Variants in ARMH3 observed in about 807,000 individuals in gnomAD.
ARMH3 encodes armadillo like helical domain containing 3, also known as armadillo-like helical domain-containing protein 3.
Under a neutral mutation model 99.1 loss-of-function variants are expected in ARMH3, and 60 were observed. That is an observed-to-expected ratio of 0.61 (90% CI 0.49 to 0.75). The LOEUF (loss-of-function observed/expected upper bound fraction) is 0.75, where lower values mean the gene tolerates loss of function less well. ARMH3 is among the 30% of genes least tolerant of loss of function. The pLI is 0.00. For synonymous variants in ARMH3, 285 were observed against 292.8 expected (o/e 0.97, Z 0.27); for missense variants, 679 against 843.1 (o/e 0.81, Z 2.41).
chr10:102,002,314 C>T (rs765157660), intron 14 of ARMH3, among the ~76,000 whole-genome samples: 12 of 152,070 alleles, frequency 7.9e-5, no homozygotes, highest in Non-Finnish European at 1.3e-4. Context: ...TCTCCAAGAA[C>T]GGTGCTTTTT....
intron 1 of ARMH3, among the ~76,000 whole-genome samples, 163 bp downstream of exon 1, chr10:102,055,922 T>A (rs2067841373): frequency 6.6e-6 from 1 of 152,206 alleles, no homozygotes; most frequent in East Asian, 1.9e-4. Context: ...CATACGCAGC[T>A]TCAGCAGCCG....
chr10:101,926,059 T>C (rs1843496536), intron 23 of ARMH3, among the ~76,000 whole-genome samples: 1 of 152,260 alleles, frequency 6.6e-6, no homozygotes, highest in African/African-American at 2.4e-5. Context: ...AGATGGCCTC[T>C]TAGGTTCTTT....
intron 19 of ARMH3, among the ~76,000 whole-genome samples, chr10:101,986,264 G>C (rs1415781988): frequency 6.6e-6 from 1 of 152,102 alleles, no homozygotes; most frequent in Non-Finnish European, 1.5e-5. Flanking sequence ...GACTTAAGAA[G>C]AGTCCAAGTT....
chr10:101,932,329 A>T (rs1843755338), intron 23 of ARMH3, among the ~76,000 whole-genome samples: 2 of 152,250 alleles, frequency 1.3e-5, no homozygotes, highest in African/African-American at 4.8e-5. Flanking sequence ...ATTGGAAAGT[A>T]ACATGGTGCA....
At chr10:102,023,204 AG>A (rs2066925818) in intron 8 of ARMH3, among the ~76,000 whole-genome samples, 1 of 140,548 alleles carries the variant, frequency 7.1e-6, no homozygotes, top group Non-Finnish European at 1.6e-5. Context: ...AAAAAAAAAA[AG>A]TTCTTAGGTG....
intron 23 of ARMH3, among the ~76,000 whole-genome samples, chr10:101,906,213 C>T (rs1207520356): frequency 2.0e-5 from 3 of 152,116 alleles, no homozygotes; most frequent in Non-Finnish European, 4.4e-5. Context: ...TGGATTAATA[C>T]TGCAATCAAC....
chr10:101,992,082 C>T, intron 17 of ARMH3, 44 bp from the exon 18 acceptor site: 3 of 1,481,970 alleles, frequency 2.0e-6, no homozygotes, highest in Non-Finnish European at 2.8e-6. Flanking sequence ...TAGACACCGG[C>T]ACTGACATCC....
intron 19 of ARMH3, among the ~76,000 whole-genome samples, chr10:101,987,757 C>T (rs972462946): frequency 6.6e-6 from 1 of 152,096 alleles, no homozygotes; most frequent in African/African-American, 2.4e-5. Flanking sequence ...ACGGAGAGAC[C>T]CACGTGGTGA....
chr10:101,983,735 C>T (rs1846332699), intron 19 of ARMH3, among the ~76,000 whole-genome samples: 1 of 152,200 alleles, frequency 6.6e-6, no homozygotes, highest in Non-Finnish European at 1.5e-5. Context: ...TCCTGGGCTC[C>T]AGACCCTTTC....
At chr10:101,965,446 C>CG (rs1180677370) in intron 20 of ARMH3, among the ~76,000 whole-genome samples, 2 of 152,176 alleles carry the variant, frequency 1.3e-5, no homozygotes, top group Non-Finnish European at 2.9e-5. Context: ...AAATGAACCC[C>CG]GGGCAGCCTT....
chr10:101,923,622 C>T lies in ARMH3; in HGVS notation c.1781+16241G>A, dbSNP rs553503502. The stretch of plus-strand genomic sequence containing the variant: ...CATCTTCTTTCTCAGTAAAATTCTC[C>T]CACCTACTCTCACTCCAAAAATGTC... On this transcript the variant is annotated intron_variant, in intron 23 of 25. Transcript: ENST00000370033. Among the ~76,000 whole-genome samples the T allele has an allele frequency of 5.3e-5, 8 of 152,300 alleles. No individual in the cohort carries two copies. In the East Asian group the frequency reaches 1.2e-3, roughly 22 times the overall value.
chr10:101,933,013 C>T, intron 23 of ARMH3, among the ~76,000 whole-genome samples: 1 of 152,026 alleles, frequency 6.6e-6, no homozygotes, highest in Non-Finnish European at 1.5e-5. Flanking sequence ...GGTGAAACCC[C>T]GTCTCTACTA....
At chr10:101,949,491 T>A (rs1844696011) in intron 22 of ARMH3, among the ~76,000 whole-genome samples, 1 of 152,096 alleles carries the variant, frequency 6.6e-6, no homozygotes, top group South Asian at 2.1e-4. Flanking sequence ...AAAACAAATT[T>A]CTTCAAAGAC....
chr10:101,999,756 A>G (rs2136051203), intron 15 of ARMH3, among the ~76,000 whole-genome samples: 1 of 152,304 alleles, frequency 6.6e-6, no homozygotes, highest in Admixed American at 6.5e-5. Context: ...ATTTATGTGT[A>G]AAGCAGAATC....
intron 22 of ARMH3, among the ~76,000 whole-genome samples, chr10:101,952,047 G>A (rs777242072): frequency 1.3e-5 from 2 of 152,144 alleles, no homozygotes; most frequent in Non-Finnish European, 2.9e-5. Context: ...TTCTGCAGGA[G>A]GTGGAGCTTA....
In ARMH3 at chr10:101,956,286, A is replaced by G. The variant is rs549945963; in HGVS notation, c.1705+311T>C. On this transcript the variant is annotated intron_variant, in intron 22 of 25. Coordinates refer to ENST00000370033, the MANE Select transcript of ARMH3 (RefSeq NM_024541.3). ...CAAGTTCTTTTATTTGCTGCTGTCAATTCCCACCCACTCTTTCACCTCCTT... is the reference window on the plus strand; with the variant it reads ...CAAGTTCTTTTATTTGCTGCTGTCAGTTCCCACCCACTCTTTCACCTCCTT... Among the ~76,000 whole-genome samples, 13 of 152,252 alleles carry G rather than the reference A, an allele frequency of 8.5e-5. No homozygotes were observed. The South Asian group carries it at 2.7e-3, about 32-fold the overall frequency.
intron 24 of ARMH3, among the ~76,000 whole-genome samples, chr10:101,880,878 C>T (rs913114812): frequency 2.0e-5 from 3 of 152,078 alleles, no homozygotes; most frequent in African/African-American, 4.8e-5. Context: ...ATGAGTGCTT[C>T]GATCCTTTCT....
chr10:102,041,090 A>AATATATATATATATATATATATATAAT (rs59124276), intron 1 of ARMH3, among the ~76,000 whole-genome samples: 31 of 132,634 alleles, frequency 2.3e-4, no homozygotes, highest in South Asian at 7.2e-4. Context: ...ATATATATAT[A>AATATATATATATATATATATATATAAT]ATATATATAT....
intron 1 of ARMH3, among the ~76,000 whole-genome samples, chr10:102,054,096 T>A (rs1057275865): frequency 6.6e-6 from 1 of 152,130 alleles, no homozygotes; most frequent in Non-Finnish European, 1.5e-5. Context: ...ATTATCCAAA[T>A]GTTGAACAAG....
Sources: allele counts gnomAD v4.1 joint callset (sites outside exome capture counted in the v4.1 genomes callset), GRCh38; gene constraint gnomAD v4.1.1; transcripts MANE v1.5; gene names NCBI Gene and HGNC (gene_info 2026-07-23, HGNC 2026-07-21).